The following OR51B5 variants were observed in gnomAD, a reference collection of about 807,000 sequenced individuals.
OR51B5 encodes the protein olfactory receptor family 51 subfamily B member 5.
For missense variants in OR51B5, 456 were observed against 374.6 expected (o/e 1.22, Z -1.79); for synonymous variants, 186 against 144.8 (o/e 1.28, Z -2.04).
intron 1 of OR51B5, among the ~76,000 whole-genome samples, chr11:5,448,177 A>C (rs1290375178): frequency 6.6e-6 from 1 of 152,156 alleles, no homozygotes; most frequent in Non-Finnish European, 1.5e-5. Context: ...ACAATTCATT[A>C]ATTTTTCTCA....
intron 1 of OR51B5, among the ~76,000 whole-genome samples, chr11:5,460,169 T>A (rs1260695016): frequency 6.6e-6 from 1 of 152,150 alleles, no homozygotes; most frequent in Non-Finnish European, 1.5e-5. Context: ...TGTTCTCACC[T>A]ATAAGTGGGA....
In OR51B5 at chr11:5,410,192, A is replaced by G. The variant is rs1318613058; in HGVS notation, n.85-63282T>C. Among the ~76,000 whole-genome samples, 2 of 152,152 alleles carry G rather than the reference A, an allele frequency of 1.3e-5. 1 individual carries two copies. Among genetic ancestry groups the G allele is most frequent in the East Asian group, 3.8e-4 (2 of 5,196 alleles). On this transcript the variant is annotated intron_variant and non_coding_transcript_variant, in intron 1 of 4. Transcript: ENST00000415970. ...AGAAATATGGAGTGAAATTAAAAGC[A>G]TCGGAAAAGGTAAATATGTAGAAGA... is the stretch of plus-strand genomic sequence containing the variant.
At chr11:5,353,293 AT>A (rs1248179817) in intron 1 of OR51B5, among the ~76,000 whole-genome samples, 3 of 152,166 alleles carry the variant, frequency 2.0e-5, no homozygotes, top group Non-Finnish European at 4.4e-5. Flanking sequence ...CAGAGATATA[AT>A]TTCTAATTCA....
intron 1 of OR51B5, among the ~76,000 whole-genome samples, chr11:5,463,005 T>C (rs148415090): frequency 6.6e-6 from 1 of 152,372 alleles, no homozygotes; most frequent in East Asian, 1.9e-4. Flanking sequence ...AAGCAAATAG[T>C]AACTCGACAC....
At chr11:5,485,115 C>T (rs150424161) in intron 1 of OR51B5, among the ~76,000 whole-genome samples, 217 of 152,260 alleles carry the variant, frequency 1.4e-3, no homozygotes, top group Middle Eastern at 6.8e-3. Flanking sequence ...CCCATCATAG[C>T]ACCCCTCCAC....
intron 1 of OR51B5, among the ~76,000 whole-genome samples, chr11:5,434,661 G>A (rs1850569930): frequency 6.6e-6 from 1 of 152,194 alleles, no homozygotes; most frequent in African/African-American, 2.4e-5. Flanking sequence ...GCAGGACAGT[G>A]AAAAGATTGG....
At chr11:5,404,246 G>C in intron 1 of OR51B5, among the ~76,000 whole-genome samples, 1 of 152,252 alleles carries the variant, frequency 6.6e-6, no homozygotes, top group Middle Eastern at 3.4e-3. Context: ...AGTTCTCTGT[G>C]TCTAGCTAAA....
chr11:5,387,905 T>A (rs940675232), intron 1 of OR51B5, among the ~76,000 whole-genome samples: 1 of 152,104 alleles, frequency 6.6e-6, no homozygotes, highest in Non-Finnish European at 1.5e-5. Flanking sequence ...GCAGTATGTA[T>A]GTATGTGTTT....
intron 1 of OR51B5, among the ~76,000 whole-genome samples, chr11:5,449,100 TAGA>T (rs1257092933): frequency 7.2e-5 from 11 of 152,226 alleles, no homozygotes; most frequent in African/African-American, 1.9e-4. Context: ...TGTCTATCAC[TAGA>T]AGATGTTTTG....
At chr11:5,423,060 C>G (rs139054378) in intron 1 of OR51B5, 1 of 1,614,084 alleles carries the variant, frequency 6.2e-7, no homozygotes, top group Non-Finnish European at 8.5e-7. Flanking sequence ...CTGGCACCCC[C>G]GGTGATGAAC....
chr11:5,453,340 T>C (rs1043054927), intron 1 of OR51B5: 1 of 499,982 alleles, frequency 2.0e-6, no homozygotes, highest in Non-Finnish European at 3.4e-6. Flanking sequence ...TCAAAAGCAG[T>C]GATTTCATGA....
chr11:5,474,304 T>C (rs1228309317), intron 1 of OR51B5, among the ~76,000 whole-genome samples: 1 of 152,082 alleles, frequency 6.6e-6, no homozygotes, highest in African/African-American at 2.4e-5. Context: ...TTAAAATTCA[T>C]GATTATAAAC....
At chr11:5,362,077 G>C (rs1849293261) in intron 1 of OR51B5, among the ~76,000 whole-genome samples, 1 of 152,166 alleles carries the variant, frequency 6.6e-6, no homozygotes. Flanking sequence ...CCAGAAATGA[G>C]CCTAGTATCC....
chr11:5,440,432 G>C (rs956128643), intron 1 of OR51B5: 75 of 605,010 alleles, frequency 1.2e-4, no homozygotes, highest in Admixed American at 8.9e-4. Context: ...CCATTTTATA[G>C]TCAAATATTA....
intron 1 of OR51B5, among the ~76,000 whole-genome samples, chr11:5,363,759 T>G (rs1849323183): frequency 6.6e-6 from 1 of 152,174 alleles, no homozygotes; most frequent in East Asian, 1.9e-4. Context: ...AAGTAGCATT[T>G]TCATGAGGAT....
intron 1 of OR51B5, among the ~76,000 whole-genome samples, chr11:5,407,923 A>G (rs753452753): frequency 1.3e-5 from 2 of 152,132 alleles, no homozygotes; most frequent in Non-Finnish European, 2.9e-5. Flanking sequence ...AAGGTTAAAC[A>G]TTCACATGCT....
intron 1 of OR51B5, among the ~76,000 whole-genome samples, chr11:5,451,159 T>G (rs1850841670): frequency 6.6e-6 from 1 of 152,174 alleles, no homozygotes; most frequent in East Asian, 1.9e-4. Flanking sequence ...TTTATTCCTA[T>G]CTGTCCAGAC....
At chr11:5,422,224 A>C (rs760290130) in intron 1 of OR51B5, 5 of 1,612,158 alleles carry the variant, frequency 3.1e-6, no homozygotes, top group Non-Finnish European at 4.2e-6. Flanking sequence ...CTAACACCAC[A>C]CAAGAAGGCA....
At chr11:5,473,685 T>C (rs995231852) in intron 1 of OR51B5, among the ~76,000 whole-genome samples, 1 of 152,138 alleles carries the variant, frequency 6.6e-6, no homozygotes, top group Non-Finnish European at 1.5e-5. Flanking sequence ...AGCATACACA[T>C]TTAGAGCATC....
Sources: gnomAD v4.1 joint callset for allele counts (sites outside exome capture counted in the v4.1 genomes callset) on GRCh38, gnomAD v4.1.1 for gene constraint, MANE v1.5 for transcripts, NCBI Gene and HGNC (gene_info 2026-07-23, HGNC 2026-07-21) for gene names.